The following ZNF385D variants were observed in gnomAD, a reference collection of about 807,000 sequenced individuals.
The protein encoded by ZNF385D is zinc finger protein 659.
In ZNF385D, 15 loss-of-function variants were observed where a neutral mutation model predicts 35.8. The observed-to-expected ratio is 0.42, with a 90% CI of 0.28 to 0.64. The LOEUF (loss-of-function observed/expected upper bound fraction) is 0.64, where lower values mean the gene tolerates loss of function less well. Among genes scored for constraint, ZNF385D ranks in the 30% least tolerant of loss-of-function variants. ZNF385D has a pLI of 0.23. For missense variants in ZNF385D, 474 were observed against 494.6 expected, an observed-to-expected ratio of 0.96 and a Z score of 0.39; for synonymous variants, 212 against 186.8, an observed-to-expected ratio of 1.13 and a Z score of -1.10.
intron 3 of ZNF385D, among the ~76,000 whole-genome samples, chr3:21,824,874 G>T (rs576463788): frequency 6.6e-6 from 1 of 152,284 alleles, no homozygotes; most frequent in South Asian, 2.1e-4. Flanking sequence ...GAGAAATATT[G>T]AATTGCTCCT....
intron 3 of ZNF385D, among the ~76,000 whole-genome samples, chr3:22,157,474 C>T (rs1297628691): frequency 6.6e-6 from 1 of 151,888 alleles, no homozygotes; most frequent in Non-Finnish European, 1.5e-5. Flanking sequence ...AATAACACCC[C>T]CAGATGTAGC....
At chr3:21,910,052 G>A (rs1466404649) in intron 3 of ZNF385D, among the ~76,000 whole-genome samples, 1 of 148,680 alleles carries the variant, frequency 6.7e-6, no homozygotes, top group Admixed American at 6.7e-5. Flanking sequence ...AGTATGTATA[G>A]TCCCAATTAG....
intron 3 of ZNF385D, among the ~76,000 whole-genome samples, chr3:21,888,608 T>C (rs1157161185): frequency 6.6e-6 from 1 of 151,402 alleles, no homozygotes; most frequent in Non-Finnish European, 1.5e-5. Context: ...TGAAATAAAA[T>C]GGAAACAGCA....
intron 3 of ZNF385D, among the ~76,000 whole-genome samples, chr3:21,926,703 G>T (rs546878535): frequency 1.2e-3 from 185 of 152,214 alleles, no homozygotes; most frequent in African/African-American, 4.3e-3. Flanking sequence ...AACCTCAGAA[G>T]AAAACCTAGG....
intron 3 of ZNF385D, among the ~76,000 whole-genome samples, chr3:22,152,634 C>G (rs1172270892): frequency 6.6e-6 from 1 of 152,148 alleles, no homozygotes; most frequent in Non-Finnish European, 1.5e-5. Context: ...CATCTCCTTT[C>G]TCTCTCTGAC....
At chr3:22,267,728 G>T (rs757844988) in intron 2 of ZNF385D, among the ~76,000 whole-genome samples, 1 of 151,800 alleles carries the variant, frequency 6.6e-6, no homozygotes, top group African/African-American at 2.4e-5. Context: ...AGAATGATGC[G>T]TATACAATTA....
chr3:22,275,548 T>C (rs935612536), intron 2 of ZNF385D, among the ~76,000 whole-genome samples: 2 of 152,160 alleles, frequency 1.3e-5, no homozygotes, highest in Non-Finnish European at 2.9e-5. Flanking sequence ...CCTGGAGTCA[T>C]AGACTTTGCT....
Position 21,848,350 on chromosome 3 carries a change from C to T in ZNF385D, c.326-183322G>A, listed in dbSNP as rs1271778117. 4.0e-5 allele frequency among the ~76,000 whole-genome samples: 6 copies of T among 151,332 alleles called. No individual in the cohort carries two copies. In the South Asian group the frequency reaches 6.3e-4, roughly 16 times the overall value. ...TTTGAGATCGTGATTTCAATTACTT[C>T]GGATAAATATTTAGAAATAGGATTT... On this transcript the variant is annotated intron_variant, in intron 3 of 5. Coordinates refer to the ZNF385D transcript ENST00000494108.
rs1701064251 is a variant in ZNF385D, at chr3:22,086,704, C to T, written c.325+82113G>A. ...AACCCAAATGTCCATCAATGATAGA[C>T]TGGATTAAGAAAATATGGCACATAT... On this transcript the variant is annotated intron_variant, in intron 3 of 5. Coordinates refer to the ZNF385D transcript ENST00000494108. Among the ~76,000 whole-genome samples, 7 of 152,190 alleles carry T rather than the reference C, an allele frequency of 4.6e-5. No individual in the cohort carries two copies. The South Asian group carries it at 1.5e-3, about 32-fold the overall frequency.
At chr3:21,809,779 T>C (rs553810957) in intron 3 of ZNF385D, among the ~76,000 whole-genome samples, 4 of 151,464 alleles carry the variant, frequency 2.6e-5, no homozygotes, top group South Asian at 4.2e-4. Context: ...TAAAATTGAA[T>C]ACTAAAAAAT....
At chr3:22,105,042 C>A (rs1301881565) in intron 3 of ZNF385D, among the ~76,000 whole-genome samples, 1 of 152,036 alleles carries the variant, frequency 6.6e-6, no homozygotes, top group Non-Finnish European at 1.5e-5. Flanking sequence ...AAATTAAACA[C>A]TGTTTGAATA....
At chr3:21,696,655 A>T (rs1466644704) in intron 1 of ZNF385D, among the ~76,000 whole-genome samples, 1 of 152,248 alleles carries the variant, frequency 6.6e-6, no homozygotes, top group African/African-American at 2.4e-5. Flanking sequence ...ATCAGACAGT[A>T]GCTCTTTAAA....
At chr3:21,680,616 T>C (rs531945276) in intron 1 of ZNF385D, among the ~76,000 whole-genome samples, 38 of 152,296 alleles carry the variant, frequency 2.5e-4, no homozygotes, top group Middle Eastern at 3.4e-3. Context: ...AAAGGTAATA[T>C]GCTCTACTAA....
intron 1 of ZNF385D, among the ~76,000 whole-genome samples, chr3:21,724,477 C>CCAAAAAAAAAAAA (rs2068670605): frequency 1.9e-5 from 1 of 52,016 alleles, no homozygotes; most frequent in African/African-American, 1.6e-4. Flanking sequence ...AATGGAAAGC[C>CCAAAAAAAAAAAA]AAAAAAAAAA....
intron 3 of ZNF385D, among the ~76,000 whole-genome samples, chr3:21,978,578 A>G (rs1703788948): frequency 6.6e-6 from 1 of 152,134 alleles, no homozygotes; most frequent in African/African-American, 2.4e-5. Context: ...TTGTAATCAG[A>G]TTTTGCTTTT....
intron 3 of ZNF385D, among the ~76,000 whole-genome samples, chr3:21,850,015 A>C (rs1216003786): frequency 6.6e-6 from 1 of 152,086 alleles, no homozygotes; most frequent in African/African-American, 2.4e-5. Flanking sequence ...AAGCGTTGGA[A>C]TCACAGGCGT....
chr3:21,784,098 A>T (rs1385234516), intron 3 of ZNF385D, among the ~76,000 whole-genome samples: 2 of 152,172 alleles, frequency 1.3e-5, no homozygotes, highest in Non-Finnish European at 2.9e-5. Flanking sequence ...TCCTGTAAGA[A>T]GTTTGTCATT....
chr3:21,483,542 A>G (rs1704801308), intron 4 of ZNF385D, among the ~76,000 whole-genome samples: 1 of 152,150 alleles, frequency 6.6e-6, no homozygotes, highest in Admixed American at 6.6e-5. Context: ...GCAATGTATA[A>G]AACTCCCTGA....
intron 3 of ZNF385D, among the ~76,000 whole-genome samples, chr3:22,066,312 G>GTGTGTGTC (rs1474568564): frequency 1.0e-5 from 1 of 95,898 alleles, no homozygotes; most frequent in Non-Finnish European, 2.0e-5. Flanking sequence ...AGGAGTGTGT[G>GTGTGTGTC]TGTGTGTATG....
Sources: allele counts gnomAD v4.1 joint callset (sites outside exome capture counted in the v4.1 genomes callset), GRCh38; gene constraint gnomAD v4.1.1; transcripts MANE v1.5; gene names NCBI Gene and HGNC (gene_info 2026-07-23, HGNC 2026-07-21).